Variants in LINGO2 observed in about 807,000 individuals in gnomAD.
The protein encoded by LINGO2 is leucine rich repeat and Ig domain containing 2.
LINGO2 carries 14 observed loss-of-function variants against 30.6 expected under a neutral mutation model. The ratio of observed to expected loss-of-function variants is 0.46; its 90% confidence interval spans 0.30 to 0.72. The LOEUF (loss-of-function observed/expected upper bound fraction) is 0.72. LINGO2 is among the 30% of genes least tolerant of loss of function. The pLI, the probability that LINGO2 is intolerant of heterozygous loss-of-function variation, is 0.07. For missense variants in LINGO2, 729 were observed against 751.7 expected (o/e 0.97, Z 0.35); for synonymous variants, 317 against 288.5 (o/e 1.10, Z -1.00).
intron 2 of LINGO2, among the ~76,000 whole-genome samples, chr9:28,393,430 C>T (rs1260568385): frequency 2.0e-5 from 3 of 152,196 alleles, no homozygotes; most frequent in African/African-American, 4.8e-5. Flanking sequence ...GTAAACCAGA[C>T]TGAACAGGCA....
intron 2 of LINGO2, among the ~76,000 whole-genome samples, chr9:28,379,075 A>AT (rs1223413229): frequency 6.6e-6 from 1 of 152,180 alleles, no homozygotes; most frequent in Non-Finnish European, 1.5e-5. Context: ...GGAAAATAAT[A>AT]TTTTAATAAT....
At chr9:28,397,733 G>C (rs982495108) in intron 2 of LINGO2, among the ~76,000 whole-genome samples, 2 of 151,932 alleles carry the variant, frequency 1.3e-5, no homozygotes, top group Non-Finnish European at 1.5e-5. Flanking sequence ...ATTTTTAGTA[G>C]AGACGGGGTT....
At chr9:28,252,406 T>C (rs969460652) in intron 4 of LINGO2, among the ~76,000 whole-genome samples, 2 of 152,084 alleles carry the variant, frequency 1.3e-5, no homozygotes, top group Admixed American at 6.6e-5. Context: ...GTGTATTCTT[T>C]AGTAGAGACG....
chr9:29,163,645 A>T, the LINGO2 span, among the ~76,000 whole-genome samples: 1 of 152,214 alleles, frequency 6.6e-6, no homozygotes, highest in Non-Finnish European at 1.5e-5. Context: ...GTATTAATAC[A>T]GAAGAAGGTT....
intron 2 of LINGO2, among the ~76,000 whole-genome samples, chr9:28,425,783 T>A: frequency 6.6e-6 from 1 of 152,142 alleles, no homozygotes; most frequent in East Asian, 1.9e-4. Flanking sequence ...ATGACCTGTG[T>A]TAATCAAATA....
intron 4 of LINGO2, among the ~76,000 whole-genome samples, chr9:28,140,699 T>C (rs572971154): frequency 1.1e-4 from 16 of 152,284 alleles, no homozygotes; most frequent in Admixed American, 4.6e-4. Flanking sequence ...GATTTTCCCA[T>C]GGCATTTTGT....
the LINGO2 span, among the ~76,000 whole-genome samples, chr9:29,133,192 C>G: frequency 6.6e-6 from 1 of 152,074 alleles, no homozygotes; most frequent in South Asian, 2.1e-4. Context: ...TTAATAAAGA[C>G]ACAATACTGG....
intron 1 of LINGO2, among the ~76,000 whole-genome samples, chr9:28,564,261 T>C (rs1823251273): frequency 6.6e-6 from 1 of 152,112 alleles, no homozygotes; most frequent in African/African-American, 2.4e-5. Flanking sequence ...ACTTTCAAAA[T>C]GTAATCAATC....
the LINGO2 span, among the ~76,000 whole-genome samples, chr9:29,067,963 G>A: frequency 6.6e-6 from 1 of 151,638 alleles, no homozygotes; most frequent in African/African-American, 2.4e-5. Context: ...TCGATTGGGG[G>A]AATATTATAT....
chr9:28,376,959 A>T (rs1173072564), intron 2 of LINGO2, among the ~76,000 whole-genome samples: 1 of 150,394 alleles, frequency 6.6e-6, no homozygotes, highest in East Asian at 2.0e-4. Context: ...ATCATTCTTC[A>T]TTATTACACA....
At chr9:28,889,545 A>G in the LINGO2 span, among the ~76,000 whole-genome samples, 1 of 152,106 alleles carries the variant, frequency 6.6e-6, no homozygotes, top group Non-Finnish European at 1.5e-5. Context: ...GGAAGTGTTT[A>G]TACATAAATA....
the LINGO2 span, among the ~76,000 whole-genome samples, chr9:28,873,425 C>T: frequency 6.6e-6 from 1 of 150,506 alleles, no homozygotes; most frequent in Non-Finnish European, 1.5e-5. Flanking sequence ...TCTTCTAATT[C>T]ATTACAACTA....
At chr9:28,580,419 A>G (rs900053120) in intron 1 of LINGO2, among the ~76,000 whole-genome samples, 1 of 152,072 alleles carries the variant, frequency 6.6e-6, no homozygotes, top group South Asian at 2.1e-4. Flanking sequence ...CTTGAAAAAT[A>G]CACGCGATTC....
the LINGO2 span, among the ~76,000 whole-genome samples, chr9:28,928,952 T>A: frequency 0.74 from 112,558 of 151,990 alleles, 41,827 homozygotes; most frequent in Non-Finnish European, 0.78. Flanking sequence ...AGCATGTGAA[T>A]AGGTCAGTGC....
chr9:28,479,875 G>GTGTGTGTGTA (rs1554725780), intron 1 of LINGO2, among the ~76,000 whole-genome samples: 7 of 118,500 alleles, frequency 5.9e-5, no homozygotes, highest in South Asian at 2.9e-4. Flanking sequence ...GTGTGTGTGT[G>GTGTGTGTGTA]TGTGTGTGTA....
At chr9:28,506,170 C>T (rs1820102209) in intron 1 of LINGO2, among the ~76,000 whole-genome samples, 1 of 151,338 alleles carries the variant, frequency 6.6e-6, no homozygotes, top group Admixed American at 6.6e-5. Flanking sequence ...TTTCACACTT[C>T]CACTCAAGAA....
chr9:28,108,244 C>T (rs753993057), intron 4 of LINGO2, among the ~76,000 whole-genome samples: 1 of 152,090 alleles, frequency 6.6e-6, no homozygotes, highest in Non-Finnish European at 1.5e-5. Flanking sequence ...CCTTTAAAGT[C>T]GCAATTAGGT....
intron 4 of LINGO2, among the ~76,000 whole-genome samples, chr9:28,167,690 T>C (rs1218453861): frequency 1.3e-5 from 2 of 152,146 alleles, no homozygotes; most frequent in African/African-American, 2.4e-5. Flanking sequence ...CCCCACCTAT[T>C]GTCTAATTTT....
the LINGO2 span, among the ~76,000 whole-genome samples, chr9:28,679,632 C>A: frequency 6.6e-6 from 1 of 151,942 alleles, no homozygotes; most frequent in African/African-American, 2.4e-5. Flanking sequence ...ACCATCACCT[C>A]ACATATACAA....
Sources: gnomAD v4.1 joint callset for allele counts (sites outside exome capture counted in the v4.1 genomes callset) on GRCh38, gnomAD v4.1.1 for gene constraint, MANE v1.5 for transcripts, NCBI Gene and HGNC (gene_info 2026-07-23, HGNC 2026-07-21) for gene names.